Variants in COL14A1 observed in about 807,000 individuals in gnomAD.
COL14A1 encodes collagen alpha-1(XIV) chain.
In COL14A1, 136 loss-of-function variants were observed where a neutral mutation model predicts 230.3. That is an observed-to-expected ratio of 0.59 (90% CI 0.51 to 0.68). The LOEUF (loss-of-function observed/expected upper bound fraction) is 0.68, where lower values mean the gene tolerates loss of function less well. Among genes scored for constraint, COL14A1 ranks in the 30% least tolerant of loss-of-function variants. The pLI, the probability that COL14A1 is intolerant of heterozygous loss-of-function variation, is 0.00. For synonymous variants in COL14A1, 792 were observed against 784.1 expected, an observed-to-expected ratio of 1.01 and a Z score of -0.17; for missense variants, 1,976 against 2,215.8, an observed-to-expected ratio of 0.89 and a Z score of 2.17.
chr8:120,332,147 C>A lies in COL14A1; in HGVS notation c.4666C>A (p.Pro1556Thr), dbSNP rs754655377. Residue 1556 changes from proline (P) to threonine (T), a missense_variant, in exon 41 of 48, where the codon CCG (proline) becomes ACG (threonine). Transcript: ENST00000297848. ...RDGSPGQRGL[P>T]GKDGSSGPPG... is the part of the protein sequence containing the mutation. ...CTGTGTTTCTTTTCGCCAGGGCCTTCCGGGAAAGGATGGATCCTCGGGACC... is the reference window on the plus strand; with the variant it reads ...CTGTGTTTCTTTTCGCCAGGGCCTTACGGGAAAGGATGGATCCTCGGGACC... The A allele has an allele frequency of 2.5e-6, 4 of 1,613,966 alleles. No individual in the cohort carries two copies. Among genetic ancestry groups the A allele is most frequent in the African/African-American group, 2.7e-5 (2 of 74,916 alleles).
chr8:120,307,985 A>G (rs1205710873), intron 36 of COL14A1, among the ~76,000 whole-genome samples: 1 of 152,186 alleles, frequency 6.6e-6, no homozygotes, highest in Non-Finnish European at 1.5e-5. Context: ...ATTTTTTTTT[A>G]ATTTTTAATT....
At chr8:120,349,177 T>C (rs1267832077) in intron 45 of COL14A1, among the ~76,000 whole-genome samples, 3 of 152,020 alleles carry the variant, frequency 2.0e-5, no homozygotes, top group Non-Finnish European at 4.4e-5. Flanking sequence ...CTGAGGGTCC[T>C]GTCTGTTAGA....
chr8:120,134,170 C>G (rs761815045), intron 1 of COL14A1, among the ~76,000 whole-genome samples: 35 of 151,986 alleles, frequency 2.3e-4, no homozygotes, highest in Non-Finnish European at 4.0e-4. Context: ...AAAGGTCGAT[C>G]TACCTAAATT....
At chr8:120,312,395 C>A (rs1219465431) in intron 37 of COL14A1, among the ~76,000 whole-genome samples, 1 of 152,152 alleles carries the variant, frequency 6.6e-6, no homozygotes, top group Admixed American at 6.6e-5. Context: ...TGCTTGTTAC[C>A]AGTTCCATAG....
intron 34 of COL14A1, among the ~76,000 whole-genome samples, chr8:120,296,053 AC>A (rs1211966775): frequency 1.3e-5 from 2 of 151,934 alleles, no homozygotes; most frequent in Non-Finnish European, 2.9e-5. Context: ...TTTTGACATT[AC>A]TTTTGCACCA....
chr8:120,234,083 T>C lies in COL14A1; in HGVS notation c.2349+2465T>C, dbSNP rs1336136371. ...TATTTTATTCCCTTTGTAGCAATTG[T>C]GAATAGGAGTTCGCTCATGATTTGG... On this transcript the variant is annotated intron_variant, in intron 19 of 47. Coordinates refer to ENST00000297848, the MANE Select transcript of COL14A1 (RefSeq NM_021110.4). Among the ~76,000 whole-genome samples the C allele has an allele frequency of 2.0e-5, 3 of 147,822 alleles. No individual in the cohort carries two copies. In the East Asian group the frequency reaches 6.1e-4, roughly 30 times the overall value.
In COL14A1 at chr8:120,211,080, C is replaced by T. The variant is rs146395867; in HGVS notation, c.1467+1179C>T. Among the ~76,000 whole-genome samples the T allele has an allele frequency of 2.9e-3, 443 of 152,226 alleles. 6 individuals are homozygous for T. The highest frequency in any genetic ancestry group is 9.8e-3 in the African/African-American group (406 of 41,536). The stretch of plus-strand genomic sequence containing the variant: ...AGGAAAAGAATCGCTCCTGTAACTG[C>T]TGGCGGGCATATAGATTGGTACAGC... On this transcript the variant is annotated intron_variant, in intron 12 of 47. Transcript: ENST00000297848.
chr8:120,219,832 T>C (rs1187852833), intron 14 of COL14A1, among the ~76,000 whole-genome samples: 1 of 152,198 alleles, frequency 6.6e-6, no homozygotes, highest in East Asian at 1.9e-4. Flanking sequence ...GCTGCTAGCA[T>C]TTGCTATTTC....
At chr8:120,190,224 T>C (rs184216149) in intron 5 of COL14A1, among the ~76,000 whole-genome samples, 2 of 152,272 alleles carry the variant, frequency 1.3e-5, no homozygotes, top group East Asian at 3.9e-4. Flanking sequence ...TATGCATTTC[T>C]CTGATGGCCA....
At chr8:120,263,928 C>A (rs904460389) in intron 24 of COL14A1, among the ~76,000 whole-genome samples, 1 of 152,118 alleles carries the variant, frequency 6.6e-6, no homozygotes, top group Non-Finnish European at 1.5e-5. Flanking sequence ...TTTCACAACA[C>A]TTAAATATGC....
chr8:120,281,747 A>G (rs1820048466), intron 31 of COL14A1, among the ~76,000 whole-genome samples: 1 of 152,178 alleles, frequency 6.6e-6, no homozygotes, highest in South Asian at 2.1e-4. Context: ...GAGTGAGCTC[A>G]CATAGTTAAA....
At chr8:120,142,186 A>T (rs1814937997) in intron 1 of COL14A1, among the ~76,000 whole-genome samples, 1 of 152,070 alleles carries the variant, frequency 6.6e-6, no homozygotes, top group Non-Finnish European at 1.5e-5. Flanking sequence ...ATCTTAGAAT[A>T]TTTCATTGGA....
chr8:120,241,120 A>C (rs1318153747), intron 19 of COL14A1, among the ~76,000 whole-genome samples: 1 of 152,262 alleles, frequency 6.6e-6, no homozygotes, highest in Non-Finnish European at 1.5e-5. Context: ...AGTCTCCTAC[A>C]TGACTGCATG....
chr8:120,154,939 C>G (rs1008145202), intron 2 of COL14A1, among the ~76,000 whole-genome samples: 3 of 152,168 alleles, frequency 2.0e-5, no homozygotes, highest in African/African-American at 7.2e-5. Flanking sequence ...TGCTTTGGCT[C>G]CAGTCCCAGT....
chr8:120,264,787 C>T (rs750463347), intron 24 of COL14A1, among the ~76,000 whole-genome samples: 4 of 152,076 alleles, frequency 2.6e-5, no homozygotes, highest in Non-Finnish European at 5.9e-5. Flanking sequence ...AGTGCATGTG[C>T]GCTTAAGTTG....
At chr8:120,334,466 C>G (rs1014889341) in intron 42 of COL14A1, among the ~76,000 whole-genome samples, 68 of 152,056 alleles carry the variant, frequency 4.5e-4, no homozygotes, top group African/African-American at 1.6e-3. Flanking sequence ...ATTGCTTTAT[C>G]TTCACACATC....
At chr8:120,247,219 C>T (rs771782356) in intron 20 of COL14A1, among the ~76,000 whole-genome samples, 3 of 152,172 alleles carry the variant, frequency 2.0e-5, no homozygotes, top group Non-Finnish European at 4.4e-5. Flanking sequence ...GTCAGGAGAT[C>T]AAGACCATCT....
At chr8:120,278,658 C>A in intron 28 of COL14A1, 80 bp downstream of exon 28, 1 of 1,366,872 alleles carries the variant, frequency 7.3e-7, no homozygotes, top group South Asian at 1.5e-5. Context: ...TAGGCTATAT[C>A]AGCATTACTT....
chr8:120,187,038 A>G (rs1816674658), intron 5 of COL14A1, among the ~76,000 whole-genome samples: 1 of 152,218 alleles, frequency 6.6e-6, no homozygotes, highest in Non-Finnish European at 1.5e-5. Context: ...GAGTTGGTAA[A>G]GTGTAACCTG....
Sources: gnomAD v4.1 joint callset for allele counts (sites outside exome capture counted in the v4.1 genomes callset) on GRCh38, gnomAD v4.1.1 for gene constraint, MANE v1.5 for transcripts, NCBI Gene and HGNC (gene_info 2026-07-23, HGNC 2026-07-21) for gene names.